RMDN2: variants seen among roughly 807,000 people sequenced by gnomAD.
The protein encoded by RMDN2 is regulator of microtubule dynamics 2, also known as regulator of microtubule dynamics protein 2.
Under a neutral mutation model 52.8 loss-of-function variants are expected in RMDN2, and 61 were observed. The ratio of observed to expected loss-of-function variants is 1.16; its 90% CI spans 0.94 to 1.43. The LOEUF (loss-of-function observed/expected upper bound fraction) is 1.43. Ranked by LOEUF, RMDN2 falls within the 40% of genes most tolerant of loss-of-function variation. The pLI is 0.00. For synonymous variants in RMDN2, 180 were observed against 153.1 expected, an observed-to-expected ratio of 1.18 and a Z score of -1.30; for missense variants, 592 against 475.3, an observed-to-expected ratio of 1.25 and a Z score of -2.28.
intron 6 of RMDN2, among the ~76,000 whole-genome samples, 185 bp downstream of exon 6, chr2:37,989,801 TTAAA>T (rs1674518478): frequency 6.6e-6 from 1 of 152,180 alleles, no homozygotes; most frequent in Non-Finnish European, 1.5e-5. Context: ...ATTATACTCT[TTAAA>T]TAGTACTGTG....
intron 2 of RMDN2, chr2:37,951,693 G>A (rs754018418): frequency 6.8e-6 from 11 of 1,612,322 alleles, no homozygotes; most frequent in East Asian, 6.7e-5. Context: ...AAATGAAATC[G>A]AAATCTTTTC....
At chr2:38,057,689 T>C (rs1174734685) in intron 10 of RMDN2, among the ~76,000 whole-genome samples, 1 of 152,170 alleles carries the variant, frequency 6.6e-6, no homozygotes, top group Non-Finnish European at 1.5e-5. Context: ...ATTGGATCAA[T>C]GGGCAGAGTT....
At chr2:38,041,232 G>T (rs1489789095) in intron 10 of RMDN2, among the ~76,000 whole-genome samples, 1 of 152,122 alleles carries the variant, frequency 6.6e-6, no homozygotes, top group Non-Finnish European at 1.5e-5. Flanking sequence ...AGCAGTGTCT[G>T]ACAAATGCAC....
rs1448638612 is a variant in RMDN2, at chr2:37,974,073, G to C, written c.486G>C (p.Gln162His). The change falls in exon 3 of 11, where the codon CAG (glutamine) becomes CAC (histidine). Residue 162 changes from glutamine (Q) to histidine (H), a missense_variant. By Grantham distance (24) the Gln-to-His change is conservative. Coordinates refer to ENST00000354545, the MANE Select transcript of RMDN2 (RefSeq NM_001170791.3). ...CAGCTAATACTGACACAGAAGAACA[G>C]AGTTTTCCAGTCCCTAAGGCATTTA... is the stretch of plus-strand genomic sequence containing the variant. ...YITANTDTEE[Q>H]SFPVPKAFNT... 2.5e-6 allele frequency: 4 copies of C among 1,611,642 alleles called. No homozygotes were observed. Among genetic ancestry groups the C allele is most frequent in the Non-Finnish European group, 2.5e-6 (3 of 1,178,944 alleles).
At chr2:37,937,796 C>T (rs571079267) in intron 2 of RMDN2, among the ~76,000 whole-genome samples, 12 of 152,264 alleles carry the variant, frequency 7.9e-5, no homozygotes, top group African/African-American at 1.9e-4. Flanking sequence ...GGGGCTGAGA[C>T]GATGAGGTTT....
rs142162898 is a variant in RMDN2 at position 37,937,968 on chromosome 2, G to A, written c.452+8239G>A. Among the ~76,000 whole-genome samples, 222 of 152,172 alleles carry A rather than the reference G, an allele frequency of 1.5e-3. 5 individuals carry two copies. In the East Asian group the frequency reaches 0.037, roughly 25 times the overall value. ...AGAGAGGGCATCCTTGTCTTGTGCCGGTTTTTAAAGGAAATGCTTACACCT... is the reference window on the plus strand; with the variant it reads ...AGAGAGGGCATCCTTGTCTTGTGCCAGTTTTTAAAGGAAATGCTTACACCT... On this transcript the variant is annotated intron_variant, in intron 2 of 10. Transcript: ENST00000354545.
intron 2 of RMDN2, among the ~76,000 whole-genome samples, chr2:37,969,008 A>T (rs1671447323): frequency 6.6e-6 from 1 of 151,732 alleles, no homozygotes; most frequent in Non-Finnish European, 1.5e-5. Flanking sequence ...ATCCCTGTTC[A>T]AAGTAGGAAA....
intron 10 of RMDN2, chr2:38,030,092 C>G (rs368949902): frequency 6.6e-6 from 1 of 152,190 alleles, no homozygotes; most frequent in Admixed American, 6.5e-5. Flanking sequence ...ATTATGGGAG[C>G]TATAATTCCA....
chr2:37,936,857 G>C (rs1379974967), intron 2 of RMDN2, among the ~76,000 whole-genome samples: 1 of 152,176 alleles, frequency 6.6e-6, no homozygotes, highest in East Asian at 1.9e-4. Flanking sequence ...TGTTCACTCT[G>C]ATGATACTTT....
Position 38,053,812 on chromosome 2 carries a change from T to C in RMDN2, c.1714-13170T>C, listed in dbSNP as rs1432616599. Among the ~76,000 whole-genome samples the C allele has an allele frequency of 4.6e-5, 7 of 152,196 alleles. No individual in the cohort carries two copies. In the East Asian group the frequency reaches 1.2e-3, roughly 25 times the overall value. On this transcript the variant is annotated intron_variant, in intron 10 of 10. Coordinates refer to the RMDN2 transcript ENST00000234195. ...CAATGCCAGGATCCTACCCTAGAGA[T>C]TCTGATTTAATTTGCCTGGGGAGCA...
intron 1 of RMDN2, among the ~76,000 whole-genome samples, chr2:37,926,124 C>G (rs927716718): frequency 6.6e-6 from 1 of 152,178 alleles, no homozygotes; most frequent in Non-Finnish European, 1.5e-5. Flanking sequence ...TTTGTAATGT[C>G]TCTTTATCCT....
At chr2:38,019,547 T>C (rs941915172), downstream of RMDN2, among the ~76,000 whole-genome samples, 5 of 152,192 alleles carry the variant, frequency 3.3e-5, no homozygotes, top group African/African-American at 1.2e-4. Flanking sequence ...TTTCTCCAAA[T>C]GGGTATTAAC....
chr2:38,020,600 C>T (rs909191961), downstream of RMDN2, among the ~76,000 whole-genome samples: 5 of 152,222 alleles, frequency 3.3e-5, no homozygotes, highest in African/African-American at 1.2e-4. Flanking sequence ...GGGCCCCACA[C>T]TGGGAGCGGC....
intron 10 of RMDN2, chr2:38,030,885 G>A (rs1680149512): frequency 1.3e-5 from 2 of 152,028 alleles, no homozygotes; most frequent in South Asian, 4.1e-4. Context: ...TATTTAAAAT[G>A]TAATGTCCTT....
chr2:38,001,461 T>A (rs1326338313), intron 8 of RMDN2, among the ~76,000 whole-genome samples: 1 of 152,204 alleles, frequency 6.6e-6, no homozygotes, highest in Non-Finnish European at 1.5e-5. Flanking sequence ...ACCTTAGGAA[T>A]TCAGTGTTGT....
At chr2:37,988,142 T>C (rs2125124013) in intron 5 of RMDN2, among the ~76,000 whole-genome samples, 1 of 152,332 alleles carries the variant, frequency 6.6e-6, no homozygotes, top group African/African-American at 2.4e-5. Context: ...TCTGCTCAGT[T>C]TTGCTGAGAA....
intron 4 of RMDN2, 37 bp from the exon 5 acceptor site, chr2:37,981,246 C>T (rs1279967158): frequency 3.2e-6 from 4 of 1,239,692 alleles, no homozygotes; most frequent in Non-Finnish European, 4.8e-6. Context: ...TACCAACTCA[C>T]ATGAAGGTAT....
upstream of RMDN2, among the ~76,000 whole-genome samples, chr2:37,924,682 T>A (rs142991901): frequency 8.9e-4 from 135 of 152,326 alleles, 2 homozygotes; most frequent in East Asian, 0.017. Context: ...TTTAAGAGCG[T>A]ATTTAGCAGA....
intron 1 of RMDN2, among the ~76,000 whole-genome samples, chr2:37,926,021 A>G (rs565542245): frequency 6.6e-6 from 1 of 152,376 alleles, no homozygotes; most frequent in African/African-American, 2.4e-5. Context: ...ATTCACTTCG[A>G]AAGTACCAGG....
Sources: allele counts gnomAD v4.1 joint callset (sites outside exome capture counted in the v4.1 genomes callset), GRCh38; gene constraint gnomAD v4.1.1; transcripts MANE v1.5; gene names NCBI Gene and HGNC (gene_info 2026-07-23, HGNC 2026-07-21).